The following FAM13A variants were observed in gnomAD, a reference collection of about 807,000 sequenced individuals.
The protein encoded by FAM13A is family with sequence similarity 13 member A.
A neutral mutation model predicts 129.6 loss-of-function variants in FAM13A; 76 were observed. The ratio of observed to expected loss-of-function variants is 0.59; its 90% CI spans 0.49 to 0.71. FAM13A has a LOEUF of 0.71. Among genes scored for constraint, FAM13A ranks in the 30% least tolerant of loss-of-function variants. The pLI is 0.00. For missense variants in FAM13A, 1,108 were observed against 1,249.3 expected, an observed-to-expected ratio of 0.89 and a Z score of 1.70; for synonymous variants, 443 against 449.9, an observed-to-expected ratio of 0.98 and a Z score of 0.20.
At chr4:88,912,813 C>A (rs2704591) in intron 5 of FAM13A, among the ~76,000 whole-genome samples, 2 of 152,006 alleles carry the variant, frequency 1.3e-5, no homozygotes, top group East Asian at 1.9e-4. Flanking sequence ...TCTGTCTCTA[C>A]AAAAACAACA....
At chr4:88,754,999 T>C (rs751807725) in intron 14 of FAM13A, among the ~76,000 whole-genome samples, 1 of 152,228 alleles carries the variant, frequency 6.6e-6, no homozygotes, top group Admixed American at 6.5e-5. Flanking sequence ...CTACCCTACC[T>C]GTCTTCTCTC....
chr4:88,751,489 T>C (rs1192677661), intron 14 of FAM13A, among the ~76,000 whole-genome samples: 1 of 152,168 alleles, frequency 6.6e-6, no homozygotes, highest in East Asian at 1.9e-4. Flanking sequence ...TGCTTTGCAC[T>C]TGAAACTTCA....
chr4:88,972,556 C>T (rs998981292), intron 4 of FAM13A, among the ~76,000 whole-genome samples: 2 of 152,016 alleles, frequency 1.3e-5, no homozygotes, highest in Admixed American at 6.6e-5. Flanking sequence ...CTACTTTGGC[C>T]TCCCAAAGTG....
intron 6 of FAM13A, 104 bp from the exon 7 acceptor site, chr4:88,851,287 C>A (rs1737530959): frequency 1.4e-5 from 14 of 1,028,232 alleles, no homozygotes; most frequent in South Asian, 1.2e-4. Flanking sequence ...TTGCAATAAT[C>A]CAATTTATAA....
chr4:89,043,706 GT>G (rs1285794167), intron 1 of FAM13A, among the ~76,000 whole-genome samples: 1 of 152,120 alleles, frequency 6.6e-6, no homozygotes, highest in Non-Finnish European at 1.5e-5. Flanking sequence ...TAATAAGGAT[GT>G]GACAATAGAA....
At chr4:88,783,312 T>A (rs1187187201) in intron 10 of FAM13A, among the ~76,000 whole-genome samples, 1 of 152,108 alleles carries the variant, frequency 6.6e-6, no homozygotes, top group Non-Finnish European at 1.5e-5. Context: ...TATTTATTTA[T>A]TTTTTGAGAC....
intron 6 of FAM13A, among the ~76,000 whole-genome samples, chr4:88,867,428 A>C (rs944370300): frequency 6.6e-6 from 1 of 152,248 alleles, no homozygotes; most frequent in African/African-American, 2.4e-5. Flanking sequence ...GAACACGAAA[A>C]GGACACCTGT....
chr4:88,862,061 C>T (rs1370213514), intron 6 of FAM13A, among the ~76,000 whole-genome samples: 2 of 152,146 alleles, frequency 1.3e-5, no homozygotes, highest in Non-Finnish European at 2.9e-5. Context: ...CACTTACTAC[C>T]TGTGAATACT....
chr4:88,856,903 A>G (rs1738608322), intron 6 of FAM13A, among the ~76,000 whole-genome samples: 1 of 152,246 alleles, frequency 6.6e-6, no homozygotes, highest in South Asian at 2.1e-4. Flanking sequence ...AAAAAGATAC[A>G]TAGTTTTAAT....
chr4:88,847,949 T>TCC (rs202011509), intron 7 of FAM13A, among the ~76,000 whole-genome samples: 2 of 143,664 alleles, frequency 1.4e-5, no homozygotes, highest in East Asian at 1.9e-4. Context: ...TGAGACTCTG[T>TCC]CCCAAAAAAA....
At chr4:88,898,077 C>A (rs909564313) in intron 6 of FAM13A, among the ~76,000 whole-genome samples, 2 of 152,104 alleles carry the variant, frequency 1.3e-5, no homozygotes, top group African/African-American at 4.8e-5. Context: ...AATTATGATT[C>A]TTTACATAAA....
chr4:88,961,347 C>CTTT lies in FAM13A; in HGVS notation c.606-23109_606-23107dup, dbSNP rs773764813. On this transcript the variant is annotated intron_variant, in intron 4 of 23. Transcript: ENST00000264344. ...AAATCCTCAGCTTTGTGGAATTTGC[C>CTTT]TTTTTTTTTTTTTTTTTTTTTTTTT... Among the ~76,000 whole-genome samples the CTTT allele has an allele frequency of 1.3e-3, 72 of 55,442 alleles. 22 individuals carry two copies. Among genetic ancestry groups the CTTT allele is most frequent in the African/African-American group, 2.0e-3 (28 of 13,830 alleles). 36.4% of individuals were successfully genotyped at this position (55,442 alleles called of 152,430 possible).
intron 6 of FAM13A, among the ~76,000 whole-genome samples, chr4:88,889,959 C>A (rs1306409550): frequency 1.3e-5 from 2 of 152,056 alleles, no homozygotes; most frequent in Non-Finnish European, 2.9e-5. Flanking sequence ...TAGAACACAG[C>A]AAATGAAGGG....
intron 4 of FAM13A, among the ~76,000 whole-genome samples, chr4:88,957,451 T>C (rs371624378): frequency 6.6e-5 from 10 of 152,166 alleles, no homozygotes; most frequent in South Asian, 2.1e-4. Flanking sequence ...ATATTTCCTA[T>C]AGAACTTGCA....
At chr4:88,734,429 TA>T (rs950723713) in intron 21 of FAM13A, among the ~76,000 whole-genome samples, 2 of 151,912 alleles carry the variant, frequency 1.3e-5, no homozygotes, top group African/African-American at 4.8e-5. Flanking sequence ...TATGTTGGAG[TA>T]AAAAAGCTAG....
chr4:89,010,348 T>C (rs1485469531), intron 3 of FAM13A, among the ~76,000 whole-genome samples: 2 of 152,200 alleles, frequency 1.3e-5, no homozygotes, highest in Admixed American at 6.5e-5. Flanking sequence ...CTGAATTTCA[T>C]CATTTAAGGT....
rs1195599292 is a variant in FAM13A at position 88,760,332 on chromosome 4, C to CCAGATTA, written c.1579-1432_1579-1431insTAATCTG. ...TATAGAAATGCCAAGTGGCCGGGCG[C>CCAGATTA]GGTGGCTCACGCCTGTAATCCCAGC... On this transcript the variant is annotated intron_variant, in intron 13 of 23. Coordinates refer to ENST00000264344, the MANE Select transcript of FAM13A (RefSeq NM_014883.4). Among the ~76,000 whole-genome samples, 2 of 28,770 alleles carry CCAGATTA rather than the reference C, an allele frequency of 7.0e-5. 1 individual carries two copies. The highest frequency in any genetic ancestry group is 3.9e-4 in the Non-Finnish European group (2 of 5,150). The allele number at this position is 28,770 out of a possible 152,430, so 18.9% of individuals were successfully genotyped here. A position where few individuals can be genotyped will look rare whatever the true frequency, so the allele number is the denominator to read the frequency against.
chr4:88,945,988 GTGTATATATATATA>G (rs926152508), intron 4 of FAM13A, among the ~76,000 whole-genome samples: 5 of 13,674 alleles, frequency 3.7e-4, no homozygotes, highest in African/African-American at 1.7e-3. Flanking sequence ...GTGTGTGTGT[GTGTATATATATATA>G]TATATATATA....
intron 4 of FAM13A, among the ~76,000 whole-genome samples, chr4:88,950,823 G>C (rs1471974315): frequency 6.6e-6 from 1 of 152,186 alleles, no homozygotes; most frequent in Non-Finnish European, 1.5e-5. Flanking sequence ...AATTAACAGT[G>C]ACGGGTCAAT....
Sources: allele counts gnomAD v4.1 joint callset (sites outside exome capture counted in the v4.1 genomes callset), GRCh38; gene constraint gnomAD v4.1.1; transcripts MANE v1.5; gene names NCBI Gene and HGNC (gene_info 2026-07-23, HGNC 2026-07-21).